PLCH2: variants seen among roughly 807,000 people sequenced by gnomAD.
The protein encoded by PLCH2 is phospholipase C eta 2.
In PLCH2, 98 loss-of-function variants were observed where a neutral mutation model predicts 134.7. The observed-to-expected ratio is 0.73, with a 90% confidence interval of 0.62 to 0.86. The LOEUF is 0.86. Among genes scored for constraint, PLCH2 ranks in the 40% least tolerant of loss-of-function variants. PLCH2 has a pLI of 0.00. For synonymous variants in PLCH2, 974 were observed against 827.5 expected (o/e 1.18, Z -3.04); for missense variants, 1,994 against 1,986.6 (o/e 1.00, Z -0.07).
intron 2 of PLCH2, among the ~76,000 whole-genome samples, chr1:2,443,499 A>G (rs898243275): frequency 1.3e-5 from 2 of 151,918 alleles, no homozygotes; most frequent in South Asian, 2.1e-4. Flanking sequence ...GGGGAGCCGG[A>G]GGGAGGCGGA....
chr1:2,497,192 A>G (rs1449065349), intron 15 of PLCH2, among the ~76,000 whole-genome samples, 182 bp downstream of exon 15: 2 of 152,230 alleles, frequency 1.3e-5, no homozygotes, highest in Non-Finnish European at 2.9e-5. Context: ...ACACCAGGCT[A>G]GCACTGGGGC....
chr1:2,431,889 G>A (rs1465840989), intron 2 of PLCH2, among the ~76,000 whole-genome samples: 1 of 152,112 alleles, frequency 6.6e-6, no homozygotes. Context: ...GGTTGAGCCG[G>A]AATCGTGTCC....
At chr1:2,433,076 A>G (rs1442553552) in intron 2 of PLCH2, among the ~76,000 whole-genome samples, 1 of 152,082 alleles carries the variant, frequency 6.6e-6, no homozygotes, top group Non-Finnish European at 1.5e-5. Context: ...AACAGCTTGG[A>G]TGTGGGGCCC....
intron 2 of PLCH2, among the ~76,000 whole-genome samples, chr1:2,441,274 C>T (rs1214192847): frequency 1.3e-5 from 2 of 152,224 alleles, no homozygotes; most frequent in African/African-American, 2.4e-5. Flanking sequence ...AGCGAAGAGG[C>T]GCGGGCACCA....
At chr1:2,457,772 T>C (rs1229381273) in intron 2 of PLCH2, among the ~76,000 whole-genome samples, 3 of 151,200 alleles carry the variant, frequency 2.0e-5, no homozygotes, top group Admixed American at 1.3e-4. Flanking sequence ...GTGTGGAACA[T>C]GAACCATCCC....
Position 2,470,557 on chromosome 1 carries a change from GC to G in PLCH2, c.43+2899del, listed in dbSNP as rs201520210. ...CGGGGTGCTCTGGCCGGGAAGAGCA[GC>G]CCCGTGCCGGGACGGATGTGGCGGG... On this transcript the variant is annotated intron_variant, in intron 1 of 21. Transcript: ENST00000449969. Among the ~76,000 whole-genome samples the G allele has an allele frequency of 8.2e-4, 125 of 152,308 alleles. No homozygotes were observed. In the East Asian group the frequency reaches 0.017, roughly 21 times the overall value.
Position 2,498,548 on chromosome 1 carries a change from C to T in PLCH2, c.2250C>T (p.Asp750=), listed in dbSNP as rs776569044. 1 of 1,607,796 alleles carries T rather than the reference C, an allele frequency of 6.2e-7. No individual in the cohort carries two copies. Among genetic ancestry groups the T allele is most frequent in the East Asian group, 2.2e-5 (1 of 44,790 alleles). Residue 750 remains aspartate, a synonymous_variant, in exon 17 of 22, where the codon GAC becomes GAT. Transcript: ENST00000378486. The surrounding 1 kb of genome is among the most constrained non-coding windows in gnomAD (Gnocchi z 5.4). ...CQGVFNPNSE[D]PLPGQLKKQL... The stretch of plus-strand genomic sequence containing the variant: ...GCGTGTTCAACCCCAACTCGGAGGA[C>T]CCCCTGCCCGGGCAGCTCAAGAAGC...
At chr1:2,458,598 TGGGGAGAA>T (rs1640614938) in intron 2 of PLCH2, among the ~76,000 whole-genome samples, 1 of 152,120 alleles carries the variant, frequency 6.6e-6, no homozygotes, top group Non-Finnish European at 1.5e-5. Flanking sequence ...TTCCTGGGCC[TGGGGAGAA>T]GCTGGGCTCC....
At chr1:2,474,796 G>A (rs1017756652), upstream of PLCH2, among the ~76,000 whole-genome samples, 22 of 152,188 alleles carry the variant, frequency 1.4e-4, no homozygotes, top group East Asian at 1.9e-4. Context: ...GTGGAAGCCC[G>A]CAGCAGCCCA....
chr1:2,452,411 A>T (rs1255828145), intron 2 of PLCH2, among the ~76,000 whole-genome samples: 1 of 151,918 alleles, frequency 6.6e-6, no homozygotes, highest in African/African-American at 2.4e-5. Flanking sequence ...TCTGGTGGGG[A>T]TGGGAGCCCT....
chr1:2,503,670 G>T (rs977488689), intron 21 of PLCH2: 3 of 683,246 alleles, frequency 4.4e-6, no homozygotes, highest in Admixed American at 2.1e-5. Context: ...CCGGTGTCCC[G>T]TGCTGTCCCA....
intron 2 of PLCH2, among the ~76,000 whole-genome samples, chr1:2,436,345 T>C (rs1396691736): frequency 2.3e-4 from 1 of 4,348 alleles, no homozygotes. Flanking sequence ...CCCTCCACCT[T>C]TCCTCCCTTC....
At chr1:2,501,933 G>A (rs1643246481) in intron 20 of PLCH2, 179 bp from the exon 21 acceptor site, 1 of 547,960 alleles carries the variant, frequency 1.8e-6, no homozygotes, top group Non-Finnish European at 3.1e-6. Context: ...GCTGCCCTAG[G>A]GACCCTGCTC....
In PLCH2 at chr1:2,452,049, C is replaced by T. The variant is rs11804859; in HGVS notation, c.115+21420C>T. Among the ~76,000 whole-genome samples, 1,245 of 152,344 alleles carry T rather than the reference C, an allele frequency of 8.2e-3. 32 individuals are homozygous for T. Among genetic ancestry groups the T allele is most frequent in the African/African-American group, 0.028 (1,182 of 41,584 alleles). ...CAGAGACTTCCGTCTGGGCCCCGAG[C>T]TTTGGCAGTGCACGGGAAGGCGCCC... On this transcript the variant is annotated intron_variant, in intron 2 of 3. Coordinates refer to the PLCH2 transcript ENST00000609981.
chr1:2,459,019 G>T (rs558237307), intron 2 of PLCH2, among the ~76,000 whole-genome samples: 1 of 152,060 alleles, frequency 6.6e-6, no homozygotes, highest in Non-Finnish European at 1.5e-5. Context: ...TCACTGCCTC[G>T]TAGTGACCTG....
intron 2 of PLCH2, among the ~76,000 whole-genome samples, chr1:2,431,916 T>A (rs1414333986): frequency 6.6e-6 from 1 of 152,152 alleles, no homozygotes; most frequent in Non-Finnish European, 1.5e-5. Flanking sequence ...TTTGAGTCGG[T>A]GCCTGCCCCC....
intron 21 of PLCH2, chr1:2,503,709 G>A: frequency 4.7e-6 from 3 of 631,656 alleles, no homozygotes; most frequent in East Asian, 2.7e-5. Flanking sequence ...GTGCGGCACA[G>A]GGCGTGGACT....
rs914507863 is a variant in PLCH2 at position 2,505,449 on chromosome 1, T to C, written c.*236T>C. 4 of 571,226 alleles carry C rather than the reference T, an allele frequency of 7.0e-6. No homozygotes were observed. Among genetic ancestry groups the C allele is most frequent in the Middle Eastern group, 4.6e-4 (1 of 2,170 alleles). 35.4% of individuals were successfully genotyped at this position (571,226 alleles called of 1,614,324 possible). A position where few individuals can be genotyped will look rare whatever the true frequency, so the allele number is the denominator to read the frequency against. On this transcript the variant is annotated 3_prime_UTR_variant, in exon 22 of 22. Coordinates refer to ENST00000378486, the MANE Select transcript of PLCH2 (RefSeq NM_014638.4). ...GCCCTGCCAGGCAGTTTTCCCGGCG[T>C]TTTAGGATCTGTACATAGAGAAATA...
chr1:2,494,956 G>C lies in PLCH2; in HGVS notation c.1752+8G>C. On this transcript the variant is annotated splice_region_variant and intron_variant, in intron 12 of 21. Transcript: ENST00000378486. ...AGCTTCTCCAGGCGCAAGGTCCGGC[G>C]CAGCTCCCAGGCCAGGGTCCCGGTC... 6.4e-7 allele frequency: 1 copy of C among 1,571,072 alleles called. No individual in the cohort carries two copies.
Sources: allele counts gnomAD v4.1 joint callset (sites outside exome capture counted in the v4.1 genomes callset), GRCh38; gene constraint gnomAD v4.1.1; non-coding constraint Gnocchi (gnomAD v3.1); transcripts MANE v1.5; gene names NCBI Gene and HGNC (gene_info 2026-07-23, HGNC 2026-07-21).